Variants in MMS22L observed in about 807,000 individuals in gnomAD.
The protein encoded by MMS22L is MMS22 like, DNA repair protein.
In MMS22L, 74 loss-of-function variants were observed where a neutral mutation model predicts 159.1. That is an observed-to-expected ratio of 0.47 (90% CI 0.39 to 0.56). MMS22L has a LOEUF of 0.56. Among genes scored for constraint, MMS22L ranks in the 20% least tolerant of loss-of-function variants. The pLI, the probability that MMS22L is intolerant of heterozygous loss-of-function variation, is 0.00. For synonymous variants in MMS22L, 517 were observed against 506.9 expected, an observed-to-expected ratio of 1.02 and a Z score of -0.27; for missense variants, 1,351 against 1,422.1, an observed-to-expected ratio of 0.95 and a Z score of 0.80.
chr6:97,220,430 C>T (rs1017855715), intron 14 of MMS22L, among the ~76,000 whole-genome samples: 50 of 152,014 alleles, frequency 3.3e-4, no homozygotes, highest in African/African-American at 1.2e-3. Flanking sequence ...TATGAATATA[C>T]TAAAAACCAA....
intron 24 of MMS22L, among the ~76,000 whole-genome samples, chr6:97,148,495 T>C (rs1231284216): frequency 6.6e-6 from 1 of 152,006 alleles, no homozygotes; most frequent in African/African-American, 2.4e-5. Context: ...TGGAAGACAG[T>C]GATGTTGATC....
chr6:97,214,688 T>TC (rs955088409), intron 14 of MMS22L, among the ~76,000 whole-genome samples: 1 of 149,736 alleles, frequency 6.7e-6, no homozygotes, highest in African/African-American at 2.5e-5. Flanking sequence ...TTTTTTTGTT[T>TC]TTTTTTTTTT....
intron 14 of MMS22L, among the ~76,000 whole-genome samples, chr6:97,224,749 T>C (rs1810041112): frequency 6.6e-6 from 1 of 151,832 alleles, no homozygotes; most frequent in African/African-American, 2.4e-5. Flanking sequence ...TTTTTTTTAA[T>C]GTAGTGGTAT....
At chr6:97,224,037 A>C (rs542802776) in intron 14 of MMS22L, among the ~76,000 whole-genome samples, 1 of 152,310 alleles carries the variant, frequency 6.6e-6, no homozygotes, top group African/African-American at 2.4e-5. Flanking sequence ...TTGACAGCAT[A>C]AGACAAAACC....
At chr6:97,155,472 C>G (rs1021850518) in intron 22 of MMS22L, among the ~76,000 whole-genome samples, 1 of 152,144 alleles carries the variant, frequency 6.6e-6, no homozygotes, top group Non-Finnish European at 1.5e-5. Flanking sequence ...CAGTCCCCCA[C>G]CTCCTGACAG....
chr6:97,146,794 T>A lies in MMS22L; in HGVS notation c.*12A>T. The A allele has an allele frequency of 6.5e-7, 1 of 1,538,732 alleles. No individual in the cohort carries two copies. The highest frequency in any genetic ancestry group is 8.8e-7 in the Non-Finnish European group (1 of 1,134,106). ...ACTGATAATTAATAGACAGGATGAATCACAAAATATATTAAGTATTATCAT... is the reference window on the plus strand; with the variant it reads ...ACTGATAATTAATAGACAGGATGAAACACAAAATATATTAAGTATTATCAT... On this transcript the variant is annotated 3_prime_UTR_variant, in exon 25 of 25. Coordinates refer to ENST00000683635, the MANE Select transcript of MMS22L (RefSeq NM_001350599.2).
At chr6:97,258,278 T>C (rs955112973) in intron 9 of MMS22L, among the ~76,000 whole-genome samples, 2 of 152,256 alleles carry the variant, frequency 1.3e-5, no homozygotes, top group South Asian at 4.1e-4. Flanking sequence ...CCTTCTGACA[T>C]GTACTCATCA....
chr6:97,184,280 T>C (rs1187639690), intron 15 of MMS22L, among the ~76,000 whole-genome samples: 1 of 152,116 alleles, frequency 6.6e-6, no homozygotes, highest in Non-Finnish European at 1.5e-5. Context: ...ACCCTACAAA[T>C]CTGAACAAAG....
rs1344515959 is a variant in MMS22L, at chr6:97,142,378, C to T, written c.*4428G>A. 1 of 152,376 alleles carries T rather than the reference C, an allele frequency of 6.6e-6. No homozygotes were observed. The highest frequency in any genetic ancestry group is 2.4e-5 in the African/African-American group (1 of 41,428). The allele number at this position is 152,376 out of a possible 1,614,324, so 9.4% of individuals were successfully genotyped here. Reference sequence around the variant, plus strand: ...TTTACAATGCAGGTTATCACAGTATCAAAATACACCTTATTAAATTTGTAA... The same window carrying T: ...TTTACAATGCAGGTTATCACAGTATTAAAATACACCTTATTAAATTTGTAA... On this transcript the variant is annotated 3_prime_UTR_variant, in exon 25 of 25. Coordinates refer to ENST00000683635, the MANE Select transcript of MMS22L (RefSeq NM_001350599.2).
chr6:97,282,040 TTCA>T (rs1394178151), intron 2 of MMS22L, among the ~76,000 whole-genome samples: 1 of 152,176 alleles, frequency 6.6e-6, no homozygotes, highest in Non-Finnish European at 1.5e-5. Flanking sequence ...TAGTTAGGAA[TTCA>T]TTTTAAGTAG....
At chr6:97,275,528 AAAG>A (rs1450195152) in intron 4 of MMS22L, among the ~76,000 whole-genome samples, 9 of 152,286 alleles carry the variant, frequency 5.9e-5, no homozygotes, top group Admixed American at 1.3e-4. Flanking sequence ...GCCCTCTCAA[AAAG>A]AAGAATTATT....
chr6:97,187,505 A>T (rs1805378509), intron 14 of MMS22L, among the ~76,000 whole-genome samples: 1 of 152,146 alleles, frequency 6.6e-6, no homozygotes, highest in African/African-American at 2.4e-5. Context: ...CCATGCTATT[A>T]TTCCTGTTTC....
intron 10 of MMS22L, among the ~76,000 whole-genome samples, chr6:97,248,696 C>T (rs1028127920): frequency 1.3e-5 from 2 of 151,904 alleles, no homozygotes; most frequent in African/African-American, 4.8e-5. Context: ...CCCGTCTCTA[C>T]TAAAATACAA....
intron 10 of MMS22L, chr6:97,253,974 T>C (rs1175718014): frequency 6.6e-6 from 1 of 152,308 alleles, no homozygotes; most frequent in Non-Finnish European, 1.5e-5. Context: ...AAAGTAAACA[T>C]CTGTTAGCTG....
intron 14 of MMS22L, among the ~76,000 whole-genome samples, chr6:97,201,643 T>C (rs1464971404): frequency 6.6e-6 from 1 of 152,236 alleles, no homozygotes; most frequent in African/African-American, 2.4e-5. Context: ...GTAATTTATA[T>C]GGTGACCCGC....
At chr6:97,171,113 C>T (rs1302393958) in intron 19 of MMS22L, among the ~76,000 whole-genome samples, 1 of 152,142 alleles carries the variant, frequency 6.6e-6, no homozygotes, top group Non-Finnish European at 1.5e-5. Flanking sequence ...TATACACTAT[C>T]TCCTACTTTG....
intron 19 of MMS22L, among the ~76,000 whole-genome samples, chr6:97,170,856 A>T (rs536856345): frequency 6.6e-6 from 1 of 152,162 alleles, no homozygotes; most frequent in East Asian, 1.9e-4. Flanking sequence ...AAAATACAAA[A>T]ATTAACCAGG....
At position 97,145,045 on chromosome 6, in the gene MMS22L, CACACACACACACACACACACAA is replaced by C. The variant is rs1359805736; in HGVS notation, c.*1739_*1760del. ...AAACCCACACACACACACACACACA[CACACACACACACACACACACAA>C]AAACACATATACACATAAATAACCT... On this transcript the variant is annotated 3_prime_UTR_variant, in exon 25 of 25. Coordinates refer to ENST00000683635, the MANE Select transcript of MMS22L (RefSeq NM_001350599.2). The C allele has an allele frequency of 2.1e-5, 3 of 145,422 alleles. No individual in the cohort carries two copies. The highest frequency in any genetic ancestry group is 1.9e-4 in the East Asian group (1 of 5,150). 9.0% of individuals were successfully genotyped at this position (145,422 alleles called of 1,614,324 possible).
chr6:97,231,390 T>G (rs1196159789), intron 13 of MMS22L, 36 bp downstream of exon 13: 1 of 1,426,114 alleles, frequency 7.0e-7, no homozygotes, highest in Admixed American at 1.7e-5. Context: ...TCCAAAGATA[T>G]CAGTGCACAC....
Sources: allele counts gnomAD v4.1 joint callset (sites outside exome capture counted in the v4.1 genomes callset), GRCh38; gene constraint gnomAD v4.1.1; transcripts MANE v1.5; gene names NCBI Gene and HGNC (gene_info 2026-07-23, HGNC 2026-07-21).